The following SDK1 variants were observed in gnomAD, a reference collection of about 807,000 sequenced individuals.
SDK1 encodes sidekick cell adhesion molecule 1.
In SDK1, 157 loss-of-function variants were observed where a neutral mutation model predicts 245.5. The observed-to-expected ratio is 0.64, with a 90% confidence interval of 0.56 to 0.73. SDK1 has a LOEUF of 0.73. Ranked by LOEUF, SDK1 falls within the 30% of genes least tolerant of loss-of-function variation. The pLI, the probability that SDK1 is intolerant of heterozygous loss-of-function variation, is 0.00. For synonymous variants in SDK1, 1,647 were observed against 1,278.5 expected (o/e 1.29, Z -6.15); for missense variants, 3,583 against 3,002.3 (o/e 1.19, Z -4.52).
chr7:3,868,073 C>CT (rs1780865121), intron 5 of SDK1, among the ~76,000 whole-genome samples: 1 of 152,108 alleles, frequency 6.6e-6, no homozygotes, highest in Admixed American at 6.5e-5. Context: ...GCATATTTGG[C>CT]TGCCATCATG....
intron 1 of SDK1, among the ~76,000 whole-genome samples, chr7:3,606,663 C>T (rs1296066355): frequency 2.0e-5 from 3 of 152,156 alleles, no homozygotes; most frequent in Non-Finnish European, 4.4e-5. Context: ...TCATCAGCTG[C>T]TTCCCTTTCT....
chr7:3,734,933 T>A (rs1779278351), intron 4 of SDK1, among the ~76,000 whole-genome samples: 2 of 152,222 alleles, frequency 1.3e-5, no homozygotes, highest in Non-Finnish European at 2.9e-5. Context: ...GCAGTCTGCC[T>A]TGAGTGCCCT....
At chr7:3,765,002 C>G (rs1284732404) in intron 4 of SDK1, among the ~76,000 whole-genome samples, 1 of 152,040 alleles carries the variant, frequency 6.6e-6, no homozygotes, top group African/African-American at 2.4e-5. Context: ...TCTCAAGTAT[C>G]TCAGTATAAA....
At chr7:3,354,465 G>A (rs909518837) in intron 1 of SDK1, among the ~76,000 whole-genome samples, 19 of 152,140 alleles carry the variant, frequency 1.2e-4, no homozygotes, top group East Asian at 1.9e-4. Flanking sequence ...ATGATTATTC[G>A]AGAGTTTTCC....
At chr7:3,980,931 C>T (rs538286286) in intron 13 of SDK1, among the ~76,000 whole-genome samples, 3 of 140,292 alleles carry the variant, frequency 2.1e-5, no homozygotes, top group Non-Finnish European at 4.7e-5. Flanking sequence ...CAGAGCGAGA[C>T]TCCATCTCAA....
chr7:3,860,087 GT>G (rs201738747), intron 5 of SDK1, among the ~76,000 whole-genome samples: 2 of 151,766 alleles, frequency 1.3e-5, no homozygotes, highest in South Asian at 4.2e-4. Context: ...TCCTGGCTAA[GT>G]TTTTTGTATT....
chr7:4,063,616 A>AAAAAAAAAAAAAC (rs1779686448), intron 19 of SDK1, among the ~76,000 whole-genome samples: 1 of 151,532 alleles, frequency 6.6e-6, no homozygotes, highest in African/African-American at 2.4e-5. Context: ...AAAACAAAAA[A>AAAAAAAAAAAAAC]CCCCGTAAAT....
At chr7:3,309,011 A>C (rs918513190) in intron 1 of SDK1, among the ~76,000 whole-genome samples, 1 of 152,156 alleles carries the variant, frequency 6.6e-6, no homozygotes. Flanking sequence ...CAACCCAAGC[A>C]GGCTAATTAG....
In SDK1 at chr7:3,857,170, A is replaced by G. The variant is rs115523321; in HGVS notation, c.847+35587A>G. Among the ~76,000 whole-genome samples the G allele has an allele frequency of 4.5e-3, 679 of 152,306 alleles. 8 individuals are homozygous for G. The highest frequency in any genetic ancestry group is 0.015 in the African/African-American group (639 of 41,566). On this transcript the variant is annotated intron_variant, in intron 5 of 44. Transcript: ENST00000404826. The stretch of plus-strand genomic sequence containing the variant: ...ATCTAACAAAAATCTACTGGAAACA[A>G]CATACTGATAAATTATTAGAAGCAT...
intron 1 of SDK1, among the ~76,000 whole-genome samples, chr7:3,357,277 T>G (rs372222459): frequency 6.7e-6 from 1 of 150,016 alleles, no homozygotes; most frequent in Non-Finnish European, 1.5e-5. Context: ...CTTAAGGAAT[T>G]TGGCATTTTA....
At chr7:3,833,193 T>C (rs1481528375) in intron 5 of SDK1, among the ~76,000 whole-genome samples, 1 of 152,178 alleles carries the variant, frequency 6.6e-6, no homozygotes, top group Admixed American at 6.5e-5. Context: ...CTTTTCCATT[T>C]TAGTTCCTAA....
intron 1 of SDK1, among the ~76,000 whole-genome samples, chr7:3,327,144 A>G (rs961478164): frequency 6.6e-6 from 1 of 152,196 alleles, no homozygotes; most frequent in Non-Finnish European, 1.5e-5. Flanking sequence ...CTTAAGAAGA[A>G]TATTGACAAA....
chr7:3,559,022 T>C (rs1410969826), intron 1 of SDK1, among the ~76,000 whole-genome samples: 1 of 152,218 alleles, frequency 6.6e-6, no homozygotes, highest in East Asian at 1.9e-4. Flanking sequence ...TTTTAAAATA[T>C]CCTGTTGCAT....
chr7:4,234,401 T>C (rs1251530301), intron 41 of SDK1, among the ~76,000 whole-genome samples: 1 of 152,068 alleles, frequency 6.6e-6, no homozygotes, highest in Non-Finnish European at 1.5e-5. Context: ...CAGACATGTC[T>C]GCAGTCAGCA....
At chr7:3,643,375 C>G (rs1230725119) in intron 4 of SDK1, 4 of 151,842 alleles carry the variant, frequency 2.6e-5, no homozygotes. Flanking sequence ...TCTCCCACCC[C>G]CACCTGAGCA....
chr7:3,508,080 G>T (rs901801810), intron 1 of SDK1, among the ~76,000 whole-genome samples: 3 of 151,980 alleles, frequency 2.0e-5, no homozygotes, highest in Non-Finnish European at 4.4e-5. Context: ...CTCTGACCAG[G>T]CATAAACTGC....
intron 1 of SDK1, among the ~76,000 whole-genome samples, chr7:3,322,477 T>G (rs1216280172): frequency 6.6e-6 from 1 of 152,210 alleles, no homozygotes; most frequent in Non-Finnish European, 1.5e-5. Context: ...TTTTCTCTTC[T>G]TTTTGGTATA....
intron 1 of SDK1, among the ~76,000 whole-genome samples, chr7:3,538,216 C>G (rs1778947215): frequency 6.6e-6 from 1 of 152,130 alleles, no homozygotes; most frequent in African/African-American, 2.4e-5. Flanking sequence ...ATTTGTTTGT[C>G]CCATTGCCAA....
chr7:3,438,757 C>A (rs552886247), intron 1 of SDK1, among the ~76,000 whole-genome samples: 1 of 152,226 alleles, frequency 6.6e-6, no homozygotes, highest in East Asian at 1.9e-4. Flanking sequence ...CCTTTCACTT[C>A]AAACAACTCA....
Sources: gnomAD v4.1 joint callset for allele counts (sites outside exome capture counted in the v4.1 genomes callset) on GRCh38, gnomAD v4.1.1 for gene constraint, MANE v1.5 for transcripts, NCBI Gene and HGNC (gene_info 2026-07-23, HGNC 2026-07-21) for gene names.